Variants in TUSC3 observed in about 807,000 individuals in gnomAD.
TUSC3 encodes the protein dolichyl-diphosphooligosaccharide--protein glycosyltransferase subunit TUSC3.
Under a neutral mutation model 44.8 loss-of-function variants are expected in TUSC3, and 45 were observed. That is an observed-to-expected ratio of 1.00 (90% CI 0.79 to 1.29). The LOEUF (loss-of-function observed/expected upper bound fraction) is 1.29. TUSC3 is among the 50% of genes most tolerant of loss of function. TUSC3 has a pLI of 0.00. For missense variants in TUSC3, 519 were observed against 437.9 expected, an observed-to-expected ratio of 1.19 and a Z score of -1.65; for synonymous variants, 212 against 152.9, an observed-to-expected ratio of 1.39 and a Z score of -2.85.
chr8:15,784,378 T>C, the TUSC3 span, among the ~76,000 whole-genome samples: 1 of 152,142 alleles, frequency 6.6e-6, no homozygotes, highest in African/African-American at 2.4e-5. Flanking sequence ...CCAACAAATT[T>C]GAAACTGTGT....
intron 2 of TUSC3, among the ~76,000 whole-genome samples, chr8:15,487,913 T>G (rs1342663965): frequency 6.6e-6 from 1 of 151,896 alleles, no homozygotes; most frequent in Non-Finnish European, 1.5e-5. Flanking sequence ...TTTTTTTTTT[T>G]TTTTTACTGA....
chr8:15,837,342 T>A, the TUSC3 span, among the ~76,000 whole-genome samples: 1 of 152,202 alleles, frequency 6.6e-6, no homozygotes, highest in Non-Finnish European at 1.5e-5. Flanking sequence ...AGCTTTATTG[T>A]ACTACACATT....
chr8:15,623,564 TATA>T (rs768307175), intron 2 of TUSC3, among the ~76,000 whole-genome samples: 3 of 152,036 alleles, frequency 2.0e-5, no homozygotes, highest in Non-Finnish European at 4.4e-5. Context: ...CCCCCTTAAA[TATA>T]ATCAATTTTT....
chr8:15,460,251 C>G (rs974772248), intron 1 of TUSC3, among the ~76,000 whole-genome samples: 2 of 152,006 alleles, frequency 1.3e-5, no homozygotes, highest in Non-Finnish European at 2.9e-5. Flanking sequence ...AAGTTGGTAT[C>G]GCATTGTCGT....
chr8:15,663,888 T>C (rs1807536956), intron 5 of TUSC3, among the ~76,000 whole-genome samples: 1 of 151,856 alleles, frequency 6.6e-6, no homozygotes, highest in African/African-American at 2.4e-5. Context: ...TGTTGCAAAA[T>C]CAAAACTTCT....
Position 15,726,520 on chromosome 8 carries a change from A to T in TUSC3, c.799-4146A>T, listed in dbSNP as rs373194472. ...GTTCATATGCTCTATGAAATATTCA[A>T]TGGGGCCAGGTGCGGTGGCTCACGC... is the stretch of plus-strand genomic sequence containing the variant. On this transcript the variant is annotated intron_variant, in intron 6 of 10. Coordinates refer to ENST00000503731, the MANE Select transcript of TUSC3 (RefSeq NM_006765.4). Among the ~76,000 whole-genome samples, 10 of 152,242 alleles carry T rather than the reference A, an allele frequency of 6.6e-5. 1 individual carries two copies. The South Asian group carries it at 1.5e-3, about 22-fold the overall frequency.
chr8:15,445,366 G>A (rs1316848647), intron 1 of TUSC3, among the ~76,000 whole-genome samples: 2 of 151,930 alleles, frequency 1.3e-5, no homozygotes, highest in Non-Finnish European at 2.9e-5. Context: ...TTCTCAGAGA[G>A]GGGGATTTGG....
chr8:15,720,459 A>G (rs936720971), intron 6 of TUSC3, among the ~76,000 whole-genome samples: 5 of 152,180 alleles, frequency 3.3e-5, no homozygotes, highest in Admixed American at 6.6e-5. Context: ...ACCATGTTAT[A>G]TAGGCCTAAT....
chr8:15,489,619 TGTGATGCTATACTACA>T (rs1439026819), intron 2 of TUSC3, among the ~76,000 whole-genome samples: 1 of 152,206 alleles, frequency 6.6e-6, no homozygotes, highest in African/African-American at 2.4e-5. Context: ...TCTGCTGTCA[TGTGATGCTATACTACA>T]GTTACATTGG....
chr8:15,429,604 T>C (rs990051237), intron 1 of TUSC3, among the ~76,000 whole-genome samples: 8 of 151,734 alleles, frequency 5.3e-5, no homozygotes, highest in Admixed American at 2.6e-4. Flanking sequence ...TTCCTACCCA[T>C]GAACATGGAC....
intron 1 of TUSC3, among the ~76,000 whole-genome samples, chr8:15,582,887 A>G (rs1403895167): frequency 6.6e-6 from 1 of 152,186 alleles, no homozygotes; most frequent in African/African-American, 2.4e-5. Context: ...AAGACCTACA[A>G]CCTTCTCTTT....
chr8:15,695,449 C>A (rs1024398032), intron 6 of TUSC3, among the ~76,000 whole-genome samples: 36 of 152,162 alleles, frequency 2.4e-4, no homozygotes, highest in African/African-American at 8.2e-4. Context: ...AACTGTAAGT[C>A]CATTAAACCT....
In TUSC3 at chr8:15,467,353, CACTA is replaced by C. The variant is rs1194997238; in HGVS notation, n.92-16031_92-16028del. Reference sequence around the variant, plus strand: ...CAATAATCCTCCTACATCTTGAACTCACTAAGTCAAAAACTATATCTGAAACATG... The same window carrying C: ...CAATAATCCTCCTACATCTTGAACTCAGTCAAAAACTATATCTGAAACATG... On this transcript the variant is annotated intron_variant and non_coding_transcript_variant, in intron 1 of 5. Transcript: ENST00000503191. 1.5e-4 allele frequency among the ~76,000 whole-genome samples: 22 copies of C among 151,110 alleles called. 1 individual carries two copies. The highest frequency in any genetic ancestry group is 5.1e-4 in the African/African-American group (21 of 41,182).
intron 6 of TUSC3, among the ~76,000 whole-genome samples, chr8:15,711,041 A>G: frequency 6.6e-6 from 1 of 151,748 alleles, no homozygotes; most frequent in African/African-American, 2.4e-5. Flanking sequence ...AGAACTTCTC[A>G]TCTAAATTCA....
At chr8:15,518,023 TC>T (rs1262665579) in intron 2 of TUSC3, among the ~76,000 whole-genome samples, 6 of 151,796 alleles carry the variant, frequency 4.0e-5, no homozygotes, top group Non-Finnish European at 4.4e-5. Flanking sequence ...TGTTCCTACC[TC>T]CTCCTTACCC....
intron 6 of TUSC3, among the ~76,000 whole-genome samples, chr8:15,701,642 T>C (rs1809412259): frequency 6.6e-6 from 1 of 152,098 alleles, no homozygotes; most frequent in South Asian, 2.1e-4. Flanking sequence ...TTAACTGCAG[T>C]AAGAAAAACT....
downstream of TUSC3, among the ~76,000 whole-genome samples, chr8:15,770,396 C>A: frequency 6.6e-6 from 1 of 151,904 alleles, no homozygotes; most frequent in East Asian, 1.9e-4. Context: ...CATCACACAC[C>A]GAGGCCTGTC....
intron 1 of TUSC3, among the ~76,000 whole-genome samples, chr8:15,553,300 T>G (rs1802120735): frequency 6.6e-6 from 1 of 151,564 alleles, no homozygotes. Flanking sequence ...GCACTTACAG[T>G]AAAAAATAGA....
In TUSC3 at chr8:15,476,005, T is replaced by C. The variant is rs145139665; in HGVS notation, n.92-7381T>C. ...AATGAGGGTCTTCTTTTTGGCTTTCTGTACATCAAGCTTTGAAAGATATCT... is the reference window on the plus strand; with the variant it reads ...AATGAGGGTCTTCTTTTTGGCTTTCCGTACATCAAGCTTTGAAAGATATCT... On this transcript the variant is annotated intron_variant and non_coding_transcript_variant, in intron 1 of 5. Coordinates refer to the TUSC3 transcript ENST00000503191. 3.6e-3 allele frequency among the ~76,000 whole-genome samples: 548 copies of C among 152,352 alleles called. 1 individual carries two copies. The highest frequency in any genetic ancestry group is 0.013 in the African/African-American group (521 of 41,594).
Sources: gnomAD v4.1 joint callset for allele counts (sites outside exome capture counted in the v4.1 genomes callset) on GRCh38, gnomAD v4.1.1 for gene constraint, MANE v1.5 for transcripts, NCBI Gene and HGNC (gene_info 2026-07-23, HGNC 2026-07-21) for gene names.